Variants in RAC1 observed in about 807,000 individuals in gnomAD.
RAC1 encodes ras-related C3 botulinum toxin substrate 1.
RAC1 carries 2 observed loss-of-function variants against 25.2 expected under a neutral mutation model. The observed-to-expected ratio is 0.08, with a 90% CI of 0.03 to 0.25. The LOEUF is 0.25. Ranked by LOEUF, RAC1 falls within the 10% of genes least tolerant of loss-of-function variation. The probability of loss-of-function intolerance (pLI) is 1.00; values close to 1 mark genes in which losing one functional copy is unlikely to be tolerated. For synonymous variants in RAC1, 88 were observed against 94.0 expected (o/e 0.94, Z 0.37); for missense variants, 50 against 235.7 (o/e 0.21, Z 5.16).
At chr7:6,381,995 T>C (rs1295884808) in intron 1 of RAC1, among the ~76,000 whole-genome samples, 1 of 151,918 alleles carries the variant, frequency 6.6e-6, no homozygotes, top group Non-Finnish European at 1.5e-5. Flanking sequence ...ATCTACATAC[T>C]TTTTTTTGTT....
chr7:6,401,573 T>TC (rs35491227), intron 4 of RAC1: 1 of 224,714 alleles, frequency 4.5e-6, no homozygotes, highest in Non-Finnish European at 8.7e-6. Context: ...TGGGAGGAAC[T>TC]CCCTTCCTTT....
At chr7:6,396,826 C>T (rs534041397) in intron 3 of RAC1, among the ~76,000 whole-genome samples, 55 of 152,156 alleles carry the variant, frequency 3.6e-4, no homozygotes, top group Non-Finnish European at 6.8e-4. Context: ...GTCAGGAGAT[C>T]GAGACCATCC....
chr7:6,385,044 G>T (rs1052631686), intron 1 of RAC1, among the ~76,000 whole-genome samples: 2 of 152,046 alleles, frequency 1.3e-5, no homozygotes, highest in African/African-American at 4.8e-5. Context: ...GGGCTCAAGC[G>T]ATCCACCCAC....
chr7:6,401,817 G>A (rs1783411468), intron 4 of RAC1, 51 bp from the exon 5 acceptor site: 1 of 1,562,038 alleles, frequency 6.4e-7, no homozygotes, highest in Admixed American at 1.8e-5. Flanking sequence ...TTTAGGTGAA[G>A]GACATCTGTA....
At chr7:6,378,449 G>C (rs1478597290) in intron 1 of RAC1, among the ~76,000 whole-genome samples, 1 of 152,128 alleles carries the variant, frequency 6.6e-6, no homozygotes, top group Non-Finnish European at 1.5e-5. Context: ...AGGATGCTGA[G>C]GCAGGAGAAT....
intron 1 of RAC1, among the ~76,000 whole-genome samples, chr7:6,378,837 C>G (rs1461351231): frequency 6.6e-6 from 1 of 152,108 alleles, no homozygotes; most frequent in Non-Finnish European, 1.5e-5. Context: ...CCTGTAATCC[C>G]AGAACTTTGG....
chr7:6,390,096 CTTTTTTT>C (rs34547258), intron 2 of RAC1, among the ~76,000 whole-genome samples: 1 of 74,916 alleles, frequency 1.3e-5, no homozygotes, highest in African/African-American at 6.3e-5. Flanking sequence ...CCCTCCCTCC[CTTTTTTT>C]TTTTTTTTTT....
rs554276343 is a variant in RAC1, at chr7:6,390,946, G to A, written c.108-978G>A. Among the ~76,000 whole-genome samples the A allele has an allele frequency of 6.6e-5, 10 of 152,090 alleles. No homozygotes were observed. The South Asian group carries it at 8.3e-4, about 13-fold the overall frequency. On this transcript the variant is annotated intron_variant, in intron 2 of 5. Transcript: ENST00000348035. ...GAGTTTCGCACTTGTTGCCCAGGCC[G>A]GAGTGCAGTGGCGCAACTTGGCCCA...
intron 3 of RAC1, chr7:6,398,829 T>A: frequency 2.0e-6 from 2 of 1,003,588 alleles, no homozygotes; most frequent in Non-Finnish European, 3.0e-6. Context: ...TGTTTTATAT[T>A]TAATTCACTC....
At chr7:6,397,819 C>G (rs867203153) in intron 3 of RAC1, among the ~76,000 whole-genome samples, 1 of 152,046 alleles carries the variant, frequency 6.6e-6, no homozygotes, top group Non-Finnish European at 1.5e-5. Flanking sequence ...GAAACCTGGT[C>G]TCTACTAAAA....
At chr7:6,383,928 G>C (rs374013712) in intron 1 of RAC1, among the ~76,000 whole-genome samples, 59 of 149,118 alleles carry the variant, frequency 4.0e-4, no homozygotes, top group African/African-American at 1.3e-3. Flanking sequence ...TCAGCCTCCC[G>C]AGTAGCTGGG....
At chr7:6,394,316 GTTT>G (rs769451188) in intron 3 of RAC1, among the ~76,000 whole-genome samples, 1 of 152,140 alleles carries the variant, frequency 6.6e-6, no homozygotes, top group African/African-American at 2.4e-5. Context: ...TGCCCTTCAG[GTTT>G]TTATTTCCCG....
rs750528345 is a variant in RAC1, at chr7:6,402,293, C to T, written c.449-23C>T. On this transcript the variant is annotated intron_variant, in intron 5 of 5. Coordinates refer to ENST00000348035, the MANE Select transcript of RAC1 (RefSeq NM_006908.5). The stretch of plus-strand genomic sequence containing the variant: ...AGAGAGTGGGGTCGAGTGTACATTG[C>T]CGTGTGGTCGTGTTTCCTGTAGGTG... The T allele has an allele frequency of 1.8e-5, 28 of 1,589,754 alleles. 2 individuals carry two copies. The South Asian group carries it at 2.8e-4, about 16-fold the overall frequency.
chr7:6,387,878 G>A (rs1412531752), intron 2 of RAC1, among the ~76,000 whole-genome samples: 2 of 152,166 alleles, frequency 1.3e-5, no homozygotes, highest in Non-Finnish European at 2.9e-5. Context: ...CAAGAACTCT[G>A]ACCAAAAGTC....
chr7:6,389,219 T>C (rs999515159), intron 2 of RAC1, among the ~76,000 whole-genome samples: 1 of 142,986 alleles, frequency 7.0e-6, no homozygotes, highest in Non-Finnish European at 1.5e-5. Flanking sequence ...AAAAAAAAAA[T>C]TAAAAAATTA....
chr7:6,386,252 A>C (rs1194774242), intron 1 of RAC1, among the ~76,000 whole-genome samples: 1 of 152,130 alleles, frequency 6.6e-6, no homozygotes, highest in Admixed American at 6.6e-5. Context: ...TTATAGACTT[A>C]TGGTGCTGTG....
At chr7:6,375,493 G>T (rs538815156) in intron 1 of RAC1, among the ~76,000 whole-genome samples, 2 of 152,222 alleles carry the variant, frequency 1.3e-5, no homozygotes, top group East Asian at 3.9e-4. Context: ...CTCCAAAAGC[G>T]CTGGGGTGAC....
Position 6,402,529 on chromosome 7 carries a change from A to AAAAAAAC in RAC1, c.*89_*90insCAAAAAA, listed in dbSNP as rs1783442644. On this transcript the variant is annotated 3_prime_UTR_variant, in exon 6 of 6. Transcript: ENST00000348035. Reference sequence around the variant, plus strand: ...AAAAAAAACAAAAAAAAAAAACAAAAAAAAAAAACAACGGTGGAGCCTTCG... The same window carrying AAAAAAAC: ...AAAAAAAACAAAAAAAAAAAACAAAAAAAAAACAAAAAAAACAACGGTGGAGCCTTCG... 1 of 1,096,606 alleles carries AAAAAAAC rather than the reference A, an allele frequency of 9.1e-7. No homozygotes were observed. Among genetic ancestry groups the AAAAAAAC allele is most frequent in the Non-Finnish European group, 1.2e-6 (1 of 855,428 alleles). 67.9% of individuals were successfully genotyped at this position (1,096,606 alleles called of 1,614,324 possible). A position where few individuals can be genotyped will look rare whatever the true frequency, so the allele number is the denominator to read the frequency against.
chr7:6,385,627 T>G (rs1407678056), intron 1 of RAC1, among the ~76,000 whole-genome samples: 3 of 152,192 alleles, frequency 2.0e-5, no homozygotes, highest in African/African-American at 4.8e-5. Context: ...CTCTCTAAAG[T>G]CTTTGGAATG....
Sources: gnomAD v4.1 joint callset for allele counts (sites outside exome capture counted in the v4.1 genomes callset) on GRCh38, gnomAD v4.1.1 for gene constraint, MANE v1.5 for transcripts, NCBI Gene and HGNC (gene_info 2026-07-23, HGNC 2026-07-21) for gene names.